Variants in PTPRD observed in about 807,000 individuals in gnomAD.
PTPRD encodes the protein receptor-type tyrosine-protein phosphatase delta.
PTPRD carries 34 observed loss-of-function variants against 214.5 expected under a neutral mutation model. That is an observed-to-expected ratio of 0.16 (90% CI 0.12 to 0.21). The LOEUF (loss-of-function observed/expected upper bound fraction) is 0.21, where lower values mean the gene tolerates loss of function less well. Ranked by LOEUF, PTPRD falls within the 10% of genes least tolerant of loss-of-function variation. The pLI, the probability that PTPRD is intolerant of heterozygous loss-of-function variation, is 1.00. For missense variants in PTPRD, 2,545 were observed against 2,398.7 expected, an observed-to-expected ratio of 1.06 and a Z score of -1.27; for synonymous variants, 1,128 against 845.7, an observed-to-expected ratio of 1.33 and a Z score of -5.79.
At chr9:8,992,505 T>G (rs531504040) in intron 11 of PTPRD, among the ~76,000 whole-genome samples, 3 of 152,312 alleles carry the variant, frequency 2.0e-5, no homozygotes, top group African/African-American at 7.2e-5. Flanking sequence ...CTGTAAGACC[T>G]TCGGCTATTC....
chr9:8,374,114 CTGTGTGTGTGTGTGTGTG>C (rs6150905), intron 39 of PTPRD, among the ~76,000 whole-genome samples: 12 of 142,822 alleles, frequency 8.4e-5, no homozygotes, highest in African/African-American at 7.6e-5. Flanking sequence ...ACACACGTGT[CTGTGTGTGTGTGTGTGTG>C]TGTGTGTGTG....
chr9:9,882,859 T>A (rs2069275131), intron 5 of PTPRD, among the ~76,000 whole-genome samples: 1 of 152,030 alleles, frequency 6.6e-6, no homozygotes, highest in South Asian at 2.1e-4. Context: ...CTGGGGTGAA[T>A]CCCCTGTGAA....
chr9:9,757,070 C>A (rs1414468290), intron 6 of PTPRD, among the ~76,000 whole-genome samples: 1 of 152,096 alleles, frequency 6.6e-6, no homozygotes, highest in African/African-American at 2.4e-5. Flanking sequence ...CTTAGATGGT[C>A]TACTTAGTAT....
At chr9:10,509,552 A>G (rs1479175901) in intron 2 of PTPRD, among the ~76,000 whole-genome samples, 1 of 20,502 alleles carries the variant, frequency 4.9e-5, no homozygotes, top group Non-Finnish European at 8.9e-5. Context: ...TACATTTAAT[A>G]AATATTATAT....
chr9:10,199,985 T>C (rs2099413169), intron 3 of PTPRD, among the ~76,000 whole-genome samples: 1 of 152,086 alleles, frequency 6.6e-6, no homozygotes, highest in Admixed American at 6.6e-5. Context: ...TATTTTAAGT[T>C]AGAATTAAAA....
intron 3 of PTPRD, among the ~76,000 whole-genome samples, chr9:10,336,078 G>A (rs1203768894): frequency 3.3e-5 from 5 of 151,720 alleles, no homozygotes; most frequent in Admixed American, 3.3e-4. Flanking sequence ...TCCAGCAATT[G>A]TGCTCCTTGG....
intron 15 of PTPRD, chr9:8,528,100 A>G (rs2074682080): frequency 8.6e-6 from 2 of 231,936 alleles, no homozygotes; most frequent in South Asian, 3.5e-4. Flanking sequence ...TACTTTGATG[A>G]GTTCAAATGT....
At chr9:10,303,226 A>T (rs1188437131) in intron 3 of PTPRD, among the ~76,000 whole-genome samples, 1 of 152,234 alleles carries the variant, frequency 6.6e-6, no homozygotes, top group Non-Finnish European at 1.5e-5. Context: ...GAACAAAGTC[A>T]CGATGTACCA....
chr9:9,507,455 A>G (rs1179151935), intron 8 of PTPRD, among the ~76,000 whole-genome samples: 2 of 151,276 alleles, frequency 1.3e-5, no homozygotes, highest in Admixed American at 1.3e-4. Context: ...TTAGAGAAAA[A>G]TAAAAATACT....
intron 5 of PTPRD, among the ~76,000 whole-genome samples, chr9:9,828,106 G>A (rs2053584264): frequency 6.6e-6 from 1 of 152,076 alleles, no homozygotes; most frequent in Admixed American, 6.6e-5. Context: ...CGATTCCTCA[G>A]GGATCTAGAA....
At chr9:8,769,489 A>G (rs778861211) in intron 11 of PTPRD, among the ~76,000 whole-genome samples, 14 of 152,318 alleles carry the variant, frequency 9.2e-5, no homozygotes, top group Admixed American at 2.6e-4. Flanking sequence ...GCAGTAGACA[A>G]CAAAGGCATT....
intron 8 of PTPRD, among the ~76,000 whole-genome samples, chr9:9,430,732 C>T (rs1369194543): frequency 6.6e-6 from 1 of 151,934 alleles, no homozygotes; most frequent in African/African-American, 2.4e-5. Flanking sequence ...AGAACAGGGC[C>T]CTCAGAAATA....
intron 3 of PTPRD, among the ~76,000 whole-genome samples, chr9:10,247,235 C>T (rs951468997): frequency 2.0e-5 from 3 of 152,078 alleles, no homozygotes; most frequent in Non-Finnish European, 4.4e-5. Context: ...ATTCCCATGC[C>T]TAAATGGTAC....
intron 7 of PTPRD, among the ~76,000 whole-genome samples, chr9:9,705,843 A>G (rs2097590797): frequency 1.3e-5 from 2 of 152,140 alleles, no homozygotes; most frequent in Admixed American, 6.6e-5. Context: ...ATTAATATTT[A>G]CTCAATCACT....
At chr9:8,993,864 T>C (rs2099386751) in intron 11 of PTPRD, among the ~76,000 whole-genome samples, 1 of 152,094 alleles carries the variant, frequency 6.6e-6, no homozygotes, top group South Asian at 2.1e-4. Context: ...TTATAAAACC[T>C]AGCAGGAGGG....
At chr9:10,144,154 C>G (rs2099006952) in intron 3 of PTPRD, among the ~76,000 whole-genome samples, 2 of 151,886 alleles carry the variant, frequency 1.3e-5, no homozygotes, top group Admixed American at 1.3e-4. Flanking sequence ...ATTATATTGT[C>G]AACATTTTCA....
At chr9:9,724,162 G>C (rs2098029718) in intron 7 of PTPRD, among the ~76,000 whole-genome samples, 1 of 152,098 alleles carries the variant, frequency 6.6e-6, no homozygotes, top group Non-Finnish European at 1.5e-5. Context: ...TTTCAGTACA[G>C]TCTTTAGAAA....
At chr9:9,700,983 G>A (rs1027630406) in intron 7 of PTPRD, among the ~76,000 whole-genome samples, 2 of 151,350 alleles carry the variant, frequency 1.3e-5, no homozygotes, top group African/African-American at 2.4e-5. Context: ...TCAGAGAAAC[G>A]AGTACTTCAT....
chr9:10,278,515 A>G (rs1385634078), intron 3 of PTPRD, among the ~76,000 whole-genome samples: 1 of 152,152 alleles, frequency 6.6e-6, no homozygotes, highest in African/African-American at 2.4e-5. Flanking sequence ...ATTCTAAGTA[A>G]GATTCCACTG....
Sources: gnomAD v4.1 joint callset for allele counts (sites outside exome capture counted in the v4.1 genomes callset) on GRCh38, gnomAD v4.1.1 for gene constraint, MANE v1.5 for transcripts, NCBI Gene and HGNC (gene_info 2026-07-23, HGNC 2026-07-21) for gene names.